Variants in CCDC85A observed in about 807,000 individuals in gnomAD.
The protein encoded by CCDC85A is coiled-coil domain containing 85A.
A neutral mutation model predicts 50.2 loss-of-function variants in CCDC85A; 38 were observed. The observed-to-expected ratio is 0.76, with a 90% CI of 0.58 to 0.99. CCDC85A has a LOEUF of 0.99. CCDC85A is among the 50% of genes least tolerant of loss of function. The probability of loss-of-function intolerance (pLI) is 0.00; values close to 1 mark genes in which losing one functional copy is unlikely to be tolerated. For synonymous variants in CCDC85A, 366 were observed against 301.4 expected (o/e 1.21, Z -2.22); for missense variants, 820 against 742.0 (o/e 1.11, Z -1.22).
chr2:56,199,448 G>A (rs191729687), intron 2 of CCDC85A, among the ~76,000 whole-genome samples: 193 of 152,296 alleles, frequency 1.3e-3, no homozygotes, highest in South Asian at 3.3e-3. Context: ...TTGGGCCAGT[G>A]TATCTGTGAT....
chr2:56,266,588 C>CCCT lies in CCDC85A; in HGVS notation c.1240+73150_1240+73151insTCC, dbSNP rs1041150752. Among the ~76,000 whole-genome samples, 3 of 134,604 alleles carry CCCT rather than the reference C, an allele frequency of 2.2e-5. 1 individual carries two copies. The highest frequency in any genetic ancestry group is 1.6e-5 in the Non-Finnish European group (1 of 62,434). The allele number at this position is 134,604 out of a possible 152,430, so 88.3% of individuals were successfully genotyped here. ...AATTAACAATAACGCGCCCCCCCCC[C>CCCT]CCATAATCTTCTTCCTCCAAAAAAG... On this transcript the variant is annotated intron_variant, in intron 2 of 5. Transcript: ENST00000407595.
At chr2:56,193,598 G>T (rs751866050) in intron 2 of CCDC85A, among the ~76,000 whole-genome samples, 158 bp downstream of exon 2, 5 of 152,144 alleles carry the variant, frequency 3.3e-5, no homozygotes, top group Non-Finnish European at 5.9e-5. Flanking sequence ...ATGATATGGG[G>T]TTCTTCTCCT....
intron 2 of CCDC85A, among the ~76,000 whole-genome samples, chr2:56,328,590 G>T (rs1673595594): frequency 6.6e-6 from 1 of 152,138 alleles, no homozygotes; most frequent in Admixed American, 6.5e-5. Context: ...TCCTCGTCTG[G>T]TGGAAATGTT....
intron 4 of CCDC85A, among the ~76,000 whole-genome samples, chr2:56,374,345 A>G (rs2104395217): frequency 6.6e-6 from 1 of 152,332 alleles, no homozygotes; most frequent in East Asian, 1.9e-4. Context: ...AGGAGAAATG[A>G]CAGCAAGAAA....
intron 2 of CCDC85A, among the ~76,000 whole-genome samples, chr2:56,254,442 A>G (rs191413256): frequency 3.9e-5 from 6 of 152,332 alleles, no homozygotes; most frequent in Admixed American, 6.5e-5. Flanking sequence ...ATGTATGATA[A>G]TGCCATATTG....
At chr2:56,372,294 G>A in intron 3 of CCDC85A, 50 bp from the exon 4 acceptor site, 1 of 1,450,586 alleles carries the variant, frequency 6.9e-7, no homozygotes, top group Non-Finnish European at 9.2e-7. Context: ...CTTGAGACTT[G>A]GGAAACAGTA....
intron 3 of CCDC85A, among the ~76,000 whole-genome samples, chr2:56,347,216 C>G (rs1195989976): frequency 6.6e-6 from 1 of 152,182 alleles, no homozygotes; most frequent in Non-Finnish European, 1.5e-5. Context: ...GACAACCCCC[C>G]TTTTCAGTCA....
chr2:56,242,140 G>C (rs1275507518), intron 2 of CCDC85A, among the ~76,000 whole-genome samples: 1 of 152,146 alleles, frequency 6.6e-6, no homozygotes, highest in Non-Finnish European at 1.5e-5. Context: ...TTTGTGAAAT[G>C]TCTATTCAGA....
intron 1 of CCDC85A, chr2:56,185,897 A>G (rs2103803468): frequency 6.6e-6 from 1 of 152,368 alleles, no homozygotes; most frequent in African/African-American, 2.4e-5. Flanking sequence ...GCCAGACACA[A>G]ACGAAATCAC....
intron 3 of CCDC85A, among the ~76,000 whole-genome samples, chr2:56,355,974 C>A (rs879319855): frequency 1.3e-5 from 2 of 152,180 alleles, no homozygotes; most frequent in Non-Finnish European, 2.9e-5. Context: ...TTTTAATAGC[C>A]AAGCTCTATC....
intron 2 of CCDC85A, among the ~76,000 whole-genome samples, chr2:56,217,219 C>A (rs1239931795): frequency 1.3e-5 from 2 of 151,920 alleles, no homozygotes; most frequent in Non-Finnish European, 2.9e-5. Context: ...TGATCACAGT[C>A]CCTGTGATTA....
intron 4 of CCDC85A, among the ~76,000 whole-genome samples, chr2:56,373,753 A>G (rs1676197880): frequency 6.6e-6 from 1 of 152,232 alleles, no homozygotes; most frequent in South Asian, 2.1e-4. Context: ...TGGGTCCTAA[A>G]CAAGAGTTTG....
intron 2 of CCDC85A, among the ~76,000 whole-genome samples, chr2:56,301,875 A>T (rs1672220758): frequency 6.6e-6 from 1 of 152,192 alleles, no homozygotes; most frequent in South Asian, 2.1e-4. Flanking sequence ...TAAAACCTGG[A>T]TGGCAAACCA....
intron 5 of CCDC85A, among the ~76,000 whole-genome samples, chr2:56,382,195 A>G (rs763248127): frequency 6.6e-6 from 1 of 152,074 alleles, no homozygotes; most frequent in African/African-American, 2.4e-5. Context: ...TTTCATAGAT[A>G]AGTTGTGAAA....
intron 3 of CCDC85A, among the ~76,000 whole-genome samples, chr2:56,350,169 CTTAT>C (rs1201104171): frequency 8.1e-6 from 1 of 124,180 alleles, no homozygotes; most frequent in African/African-American, 3.8e-5. Context: ...TTTTTCTTCT[CTTAT>C]TTTTTTTTTT....
chr2:56,288,873 C>T (rs567408910), intron 2 of CCDC85A, among the ~76,000 whole-genome samples: 13 of 152,142 alleles, frequency 8.5e-5, no homozygotes, highest in African/African-American at 2.2e-4. Flanking sequence ...ACTTGTGTTG[C>T]GGGGAGAAAT....
intron 2 of CCDC85A, among the ~76,000 whole-genome samples, chr2:56,339,271 A>G (rs908831430): frequency 2.0e-5 from 3 of 152,156 alleles, no homozygotes; most frequent in Non-Finnish European, 2.9e-5. Flanking sequence ...GTTTAAAACT[A>G]TGCTCTGTCT....
At chr2:56,319,178 T>C (rs767925736) in intron 2 of CCDC85A, among the ~76,000 whole-genome samples, 13 of 152,108 alleles carry the variant, frequency 8.5e-5, no homozygotes, top group Non-Finnish European at 1.5e-4. Flanking sequence ...GTGTCTTTGG[T>C]GATTTACACA....
rs550180400 is a variant in CCDC85A, at chr2:56,384,269, G to A, written c.1576G>A (p.Val526Met). The A allele has an allele frequency of 8.1e-5, 131 of 1,607,952 alleles. No homozygotes were observed. The South Asian group carries it at 1.4e-3, about 17-fold the overall frequency. Reference sequence around the variant, plus strand: ...ACTCCTTCTTTTTTTTTTTAAGGTTGTGTGGAGGAAACTTGGAGATGCTGC... The same window carrying A: ...ACTCCTTCTTTTTTTTTTTAAGGTTATGTGGAGGAAACTTGGAGATGCTGC... ...PEPVVHSLKV[V>M]WRKLGDAAGS... Residue 526 changes from valine (V) to methionine (M), a missense_variant, in exon 6 of 6, where the codon GTG (valine) becomes ATG (methionine). Transcript: ENST00000407595.
Sources: allele counts gnomAD v4.1 joint callset (sites outside exome capture counted in the v4.1 genomes callset), GRCh38; gene constraint gnomAD v4.1.1; transcripts MANE v1.5; gene names NCBI Gene and HGNC (gene_info 2026-07-23, HGNC 2026-07-21).